Variants in ARNT2 observed in about 807,000 individuals in gnomAD.
ARNT2 encodes the protein aryl hydrocarbon receptor nuclear translocator 2, also known as ARNT protein 2.
Under a neutral mutation model 91.7 loss-of-function variants are expected in ARNT2, and 36 were observed. The ratio of observed to expected loss-of-function variants is 0.39; its 90% CI spans 0.30 to 0.52. The LOEUF (loss-of-function observed/expected upper bound fraction) is 0.52. Ranked by LOEUF, ARNT2 falls within the 20% of genes least tolerant of loss-of-function variation. ARNT2 has a pLI of 0.72. For missense variants in ARNT2, 775 were observed against 939.3 expected (o/e 0.83, Z 2.29); for synonymous variants, 365 against 347.1 (o/e 1.05, Z -0.57).
chr15:80,482,663 G>A (rs1246876258), intron 5 of ARNT2, among the ~76,000 whole-genome samples: 1 of 152,212 alleles, frequency 6.6e-6, no homozygotes, highest in African/African-American at 2.4e-5. Context: ...TATGAGTGGT[G>A]AATGGCATCA....
chr15:80,546,997 G>A (rs1767752771), intron 8 of ARNT2, among the ~76,000 whole-genome samples: 1 of 151,480 alleles, frequency 6.6e-6, no homozygotes, highest in Non-Finnish European at 1.5e-5. Context: ...AACAATAAAC[G>A]GAAAGAAAGA....
At chr15:80,481,734 C>T (rs1334149922) in intron 5 of ARNT2, among the ~76,000 whole-genome samples, 1 of 150,758 alleles carries the variant, frequency 6.6e-6, no homozygotes, top group Non-Finnish European at 1.5e-5. Context: ...TAAATAAATA[C>T]CATAACAGTG....
chr15:80,465,604 C>T (rs1896641833), intron 3 of ARNT2, among the ~76,000 whole-genome samples: 1 of 152,140 alleles, frequency 6.6e-6, no homozygotes, highest in Non-Finnish European at 1.5e-5. Flanking sequence ...AGATTTGGAC[C>T]ATGGCAGTGT....
At chr15:80,442,835 A>G (rs1896214414) in intron 1 of ARNT2, 5 of 985,236 alleles carry the variant, frequency 5.1e-6, no homozygotes, top group Admixed American at 6.2e-5. Context: ...TGCCCTATAC[A>G]GTGTAGGAGG....
At chr15:80,482,049 C>T (rs1896899305) in intron 5 of ARNT2, among the ~76,000 whole-genome samples, 1 of 152,212 alleles carries the variant, frequency 6.6e-6, no homozygotes, top group African/African-American at 2.4e-5. Flanking sequence ...GGTGAGACTA[C>T]AGGTGGGTGT....
chr15:80,577,053 T>C, intron 15 of ARNT2, 88 bp downstream of exon 15: 5 of 1,328,960 alleles, frequency 3.8e-6, no homozygotes, highest in Non-Finnish European at 5.4e-6. Context: ...CTGTGGGCTG[T>C]AAGCATGAGT....
intron 1 of ARNT2, among the ~76,000 whole-genome samples, chr15:80,413,431 C>T (rs1184901081): frequency 2.0e-5 from 3 of 152,242 alleles, no homozygotes; most frequent in Admixed American, 6.5e-5. Flanking sequence ...AGAGAGCATG[C>T]GGCCAGGTGA....
chr15:80,409,055 G>A (rs560361130), intron 1 of ARNT2, among the ~76,000 whole-genome samples: 4 of 152,156 alleles, frequency 2.6e-5, no homozygotes, highest in African/African-American at 9.6e-5. Flanking sequence ...TGTTACAATT[G>A]ATGAACCTAC....
chr15:80,437,685 T>G (rs1166685273), intron 1 of ARNT2, among the ~76,000 whole-genome samples: 1 of 152,220 alleles, frequency 6.6e-6, no homozygotes, highest in Non-Finnish European at 1.5e-5. Flanking sequence ...ATTTCACAAC[T>G]GCCGGCTTCT....
At chr15:80,405,355 C>A (rs532312573) in intron 1 of ARNT2, among the ~76,000 whole-genome samples, 2 of 152,238 alleles carry the variant, frequency 1.3e-5, no homozygotes, top group South Asian at 2.1e-4. Flanking sequence ...TAAGCTAGTA[C>A]AAACTTTTGG....
intron 1 of ARNT2, among the ~76,000 whole-genome samples, chr15:80,410,523 G>A (rs1410645689): frequency 6.6e-6 from 1 of 152,150 alleles, no homozygotes; most frequent in Non-Finnish European, 1.5e-5. Context: ...AGAGATCTGG[G>A]CTGGAGAAGG....
intron 1 of ARNT2, among the ~76,000 whole-genome samples, chr15:80,437,302 T>C (rs1156367183): frequency 2.0e-5 from 3 of 152,302 alleles, no homozygotes; most frequent in South Asian, 2.1e-4. Context: ...TCCCCCACCT[T>C]GAATAACTCA....
At chr15:80,424,087 G>T (rs1895900721) in intron 1 of ARNT2, among the ~76,000 whole-genome samples, 1 of 152,170 alleles carries the variant, frequency 6.6e-6, no homozygotes, top group Non-Finnish European at 1.5e-5. Flanking sequence ...GGGGTCTTAG[G>T]TAGAATAGCC....
intron 8 of ARNT2, among the ~76,000 whole-genome samples, chr15:80,545,864 C>T (rs902979938): frequency 2.0e-5 from 3 of 152,190 alleles, no homozygotes; most frequent in African/African-American, 4.8e-5. Context: ...CTTTGTTCTG[C>T]TGATGAATTT....
In ARNT2 at chr15:80,443,217, G is replaced by A. The variant is rs78660591; in HGVS notation, c.32-7663G>A. ...TATGCAAAGGTCCTGGGGTCAGAAC[G>A]GAACATAGTGTGTTCAAGAAACTGA... On this transcript the variant is annotated intron_variant, in intron 1 of 18. Coordinates refer to ENST00000303329, the MANE Select transcript of ARNT2 (RefSeq NM_014862.4). 5.0e-3 allele frequency among the ~76,000 whole-genome samples: 757 copies of A among 152,326 alleles called. 3 individuals carry two copies. Among genetic ancestry groups the A allele is most frequent in the African/African-American group, 0.018 (732 of 41,570 alleles).
intron 5 of ARNT2, among the ~76,000 whole-genome samples, chr15:80,480,505 G>A (rs1595980871): frequency 4.6e-5 from 7 of 152,274 alleles, no homozygotes; most frequent in Non-Finnish European, 5.9e-5. Flanking sequence ...GGTGGGGACC[G>A]CCTGGCTGTC....
At chr15:80,502,557 A>G (rs1243983983) in intron 5 of ARNT2, among the ~76,000 whole-genome samples, 1 of 152,210 alleles carries the variant, frequency 6.6e-6, no homozygotes, top group Non-Finnish European at 1.5e-5. Context: ...GGAGCGTGTC[A>G]TGCAGGAGTC....
intron 1 of ARNT2, among the ~76,000 whole-genome samples, chr15:80,410,609 CAT>C (rs1387807260): frequency 6.6e-6 from 1 of 152,168 alleles, no homozygotes; most frequent in Non-Finnish European, 1.5e-5. Context: ...GTTCACAGAA[CAT>C]AGAGCTTTTG....
At chr15:80,545,509 G>A (rs1897976793) in intron 8 of ARNT2, among the ~76,000 whole-genome samples, 1 of 152,168 alleles carries the variant, frequency 6.6e-6, no homozygotes, top group African/African-American at 2.4e-5. Flanking sequence ...CCAACTTCTA[G>A]GAGTGATATA....
Sources: allele counts gnomAD v4.1 joint callset (sites outside exome capture counted in the v4.1 genomes callset), GRCh38; gene constraint gnomAD v4.1.1; transcripts MANE v1.5; gene names NCBI Gene and HGNC (gene_info 2026-07-23, HGNC 2026-07-21).